Variants in KIRREL3 observed in about 807,000 individuals in gnomAD.
KIRREL3 encodes kin of IRRE-like protein 3.
KIRREL3 carries 36 observed loss-of-function variants against 89.7 expected under a neutral mutation model. The observed-to-expected ratio is 0.40, with a 90% CI of 0.31 to 0.53. KIRREL3 has a LOEUF of 0.53. Among genes scored for constraint, KIRREL3 ranks in the 20% least tolerant of loss-of-function variants. The pLI, the probability that KIRREL3 is intolerant of heterozygous loss-of-function variation, is 0.49. For missense variants in KIRREL3, 864 were observed against 1,056.6 expected, an observed-to-expected ratio of 0.82 and a Z score of 2.53; for synonymous variants, 445 against 441.4, an observed-to-expected ratio of 1.01 and a Z score of -0.10.
chr11:126,910,402 G>A (rs1946770066), intron 1 of KIRREL3, among the ~76,000 whole-genome samples: 1 of 152,172 alleles, frequency 6.6e-6, no homozygotes, highest in Admixed American at 6.5e-5. Context: ...AGATCTTGAA[G>A]CTTCTGATTA....
In KIRREL3 at chr11:126,424,351, G is replaced by A. The variant is rs747285529; in HGVS notation, c.*229C>T. On this transcript the variant is annotated 3_prime_UTR_variant, in exon 17 of 17. Transcript: ENST00000525144. ...TCCAGCACTAAGCACAGCGCACTCAGCCGCAGCCTCTGTCTGTCTCCCCAC... is the reference window on the plus strand; with the variant it reads ...TCCAGCACTAAGCACAGCGCACTCAACCGCAGCCTCTGTCTGTCTCCCCAC... The A allele has an allele frequency of 1.8e-6, 1 of 562,252 alleles. No homozygotes were observed. The highest frequency in any genetic ancestry group is 3.2e-6 in the Non-Finnish European group (1 of 312,978). 34.8% of individuals were successfully genotyped at this position (562,252 alleles called of 1,614,324 possible).
At chr11:126,714,689 C>G (rs762748869) in intron 1 of KIRREL3, among the ~76,000 whole-genome samples, 2 of 152,164 alleles carry the variant, frequency 1.3e-5, no homozygotes, top group Non-Finnish European at 2.9e-5. Context: ...ACAGTGGTAT[C>G]TACATGATGA....
At chr11:126,646,153 C>T (rs372446097) in intron 1 of KIRREL3, among the ~76,000 whole-genome samples, 1 of 152,108 alleles carries the variant, frequency 6.6e-6, no homozygotes, top group Non-Finnish European at 1.5e-5. Context: ...TCTGCAGGTT[C>T]GCGATATGAT....
intron 1 of KIRREL3, among the ~76,000 whole-genome samples, chr11:126,775,136 T>C (rs1260037329): frequency 1.1e-4 from 17 of 152,188 alleles, no homozygotes; most frequent in Non-Finnish European, 4.4e-5. Context: ...CAGAACAGTT[T>C]CCCCTTCTTA....
intron 11 of KIRREL3, among the ~76,000 whole-genome samples, chr11:126,437,595 T>G (rs1352960446): frequency 6.6e-6 from 1 of 151,940 alleles, no homozygotes; most frequent in Non-Finnish European, 1.5e-5. Flanking sequence ...TGTCACAACA[T>G]GCATACACAC....
chr11:126,473,304 C>G lies in KIRREL3; in HGVS notation c.591+5G>C. On this transcript the variant is annotated splice_donor_5th_base_variant and intron_variant, in intron 5 of 16. Transcript: ENST00000525144. Reference sequence around the variant, plus strand: ...CACACCCACCCCCTCCCCTCCAGGCCTCACCTTGGAGTAGGTGGCCCCATT... The same window carrying G: ...CACACCCACCCCCTCCCCTCCAGGCGTCACCTTGGAGTAGGTGGCCCCATT... 1 of 1,447,502 alleles carries G rather than the reference C, an allele frequency of 6.9e-7. No individual in the cohort carries two copies. The highest frequency in any genetic ancestry group is 9.2e-7 in the Non-Finnish European group (1 of 1,087,508). 89.7% of individuals were successfully genotyped at this position (1,447,502 alleles called of 1,614,324 possible). A position where few individuals can be genotyped will look rare whatever the true frequency, so the allele number is the denominator to read the frequency against.
rs189440767 is a variant in KIRREL3, at chr11:126,734,568, C to G, written c.56-171656G>C. Among the ~76,000 whole-genome samples, 1 of 151,516 alleles carries G rather than the reference C, an allele frequency of 6.6e-6. No homozygotes were observed. ...ATCCCAGCTACTTGGGAGGCTGAGACAAGAGAATCACTTGAACCTGGGAAG... is the reference window on the plus strand; with the variant it reads ...ATCCCAGCTACTTGGGAGGCTGAGAGAAGAGAATCACTTGAACCTGGGAAG... On this transcript the variant is annotated intron_variant, in intron 1 of 16. Coordinates refer to ENST00000525144, the MANE Select transcript of KIRREL3 (RefSeq NM_032531.4). The surrounding 1 kb of genome is among the most constrained non-coding windows in gnomAD (Gnocchi z 5.9).
intron 1 of KIRREL3, among the ~76,000 whole-genome samples, chr11:126,728,665 G>A (rs1948490046): frequency 2.0e-5 from 3 of 152,212 alleles, no homozygotes; most frequent in Admixed American, 2.0e-4. Flanking sequence ...TTTGTATAGG[G>A]AGGGGAAAGG....
intron 2 of KIRREL3, among the ~76,000 whole-genome samples, chr11:126,559,365 T>C (rs1939940644): frequency 6.6e-6 from 1 of 152,210 alleles, no homozygotes; most frequent in Non-Finnish European, 1.5e-5. Context: ...GAGCGACTAC[T>C]CCCTATGTGC....
intron 1 of KIRREL3, among the ~76,000 whole-genome samples, chr11:126,762,188 T>C (rs554516130): frequency 6.6e-6 from 1 of 151,738 alleles, no homozygotes; most frequent in Admixed American, 6.6e-5. Context: ...AATAAATAAA[T>C]AAATAAACAA....
In KIRREL3 at chr11:126,684,574, C is replaced by T. The variant is rs1565648265; in HGVS notation, c.56-121662G>A. On this transcript the variant is annotated intron_variant, in intron 1 of 16. Coordinates refer to ENST00000525144, the MANE Select transcript of KIRREL3 (RefSeq NM_032531.4). This position sits in a 1 kb window ranked among gnomAD's most constrained non-coding sequence, Gnocchi z 4.2. ...CAGTATTCTGATGAATTTACCCTAC[C>T]AGGCCAGTCAGAATCGACTCACTGA... is the stretch of plus-strand genomic sequence containing the variant. Among the ~76,000 whole-genome samples, 1 of 152,162 alleles carries T rather than the reference C, an allele frequency of 6.6e-6. No individual in the cohort carries two copies. The highest frequency in any genetic ancestry group is 1.5e-5 in the Non-Finnish European group (1 of 68,028).
At position 126,613,893 on chromosome 11, in the gene KIRREL3, T is replaced by TTTTTTTTTTTG. The variant is rs371748740; in HGVS notation, c.56-50982_56-50981insCAAAAAAAAAA. On this transcript the variant is annotated intron_variant, in intron 1 of 16. Transcript: ENST00000525144. ...TTGCTTTTTTTTTTTTTTTTTTTTTTATTTTTTTCCCCATAGCCTTTATCT... is the reference window on the plus strand; with the variant it reads ...TTGCTTTTTTTTTTTTTTTTTTTTTTTTTTTTTTTTGATTTTTTTCCCCATAGCCTTTATCT... 1.7e-4 allele frequency among the ~76,000 whole-genome samples: 20 copies of TTTTTTTTTTTG among 118,638 alleles called. 1 individual carries two copies. Among genetic ancestry groups the TTTTTTTTTTTG allele is most frequent in the East Asian group, 2.6e-4 (1 of 3,848 alleles). The allele number at this position is 118,638 out of a possible 152,430, so 77.8% of individuals were successfully genotyped here. A position where few individuals can be genotyped will look rare whatever the true frequency, so the allele number is the denominator to read the frequency against.
rs1032541250 is a variant in KIRREL3, at chr11:126,558,482, G to A, written c.133+4353C>T. 1.4e-5 allele frequency among the ~76,000 whole-genome samples: 2 copies of A among 144,612 alleles called. No homozygotes were observed. The highest frequency in any genetic ancestry group is 5.8e-5 in the African/African-American group (2 of 34,704). 94.9% of individuals were successfully genotyped at this position (144,612 alleles called of 152,430 possible). ...TCAGCCTCCTCTTCCAGAAGTCTAAGAGCCCTGGGTGTCTGGAGCCCTGGG... is the reference window on the plus strand; with the variant it reads ...TCAGCCTCCTCTTCCAGAAGTCTAAAAGCCCTGGGTGTCTGGAGCCCTGGG... On this transcript the variant is annotated intron_variant, in intron 2 of 16. Coordinates refer to ENST00000525144, the MANE Select transcript of KIRREL3 (RefSeq NM_032531.4). This position sits in a 1 kb window ranked among gnomAD's most constrained non-coding sequence, Gnocchi z 4.0.
In KIRREL3 at chr11:126,948,190, C is replaced by A. The variant is rs1030814018; in HGVS notation, c.55+52265G>T. ...AATCAACTTAAAGTATAATACCTAC[C>A]ACGCTTGATGTCTTTCTCCTTTGAT... is the stretch of plus-strand genomic sequence containing the variant. On this transcript the variant is annotated intron_variant, in intron 1 of 16. Coordinates refer to ENST00000525144, the MANE Select transcript of KIRREL3 (RefSeq NM_032531.4). This position sits in a 1 kb window ranked among gnomAD's most constrained non-coding sequence, Gnocchi z 4.5. 2.6e-5 allele frequency among the ~76,000 whole-genome samples: 4 copies of A among 152,030 alleles called. No individual in the cohort carries two copies. The highest frequency in any genetic ancestry group is 1.3e-4 in the Admixed American group (2 of 15,256).
chr11:126,929,418 C>A (rs1947847549), intron 1 of KIRREL3, among the ~76,000 whole-genome samples: 1 of 152,086 alleles, frequency 6.6e-6, no homozygotes, highest in East Asian at 1.9e-4. Flanking sequence ...GGGGAGAGGC[C>A]TTTTGTGTAC....
In KIRREL3 at chr11:126,729,105, C is replaced by T. The variant is rs923808814; in HGVS notation, c.56-166193G>A. Among the ~76,000 whole-genome samples the T allele has an allele frequency of 6.6e-6, 1 of 152,204 alleles. No homozygotes were observed. Among genetic ancestry groups the T allele is most frequent in the Non-Finnish European group, 1.5e-5 (1 of 68,048 alleles). On this transcript the variant is annotated intron_variant, in intron 1 of 16. Transcript: ENST00000525144. The surrounding 1 kb of genome is among the most constrained non-coding windows in gnomAD (Gnocchi z 4.5). ...AGAAAACACAACTGGGCCATCTTCC[C>T]TCATCTCTAGCAGAATGGCTGCCTC...
rs1944435219 is a variant in KIRREL3, at chr11:126,640,692, G to A, written c.56-77780C>T. ...TTTCACATGGGTTCTTTCTGAATCT[G>A]GAATGAACCATGGGACCCTTGGGTT... On this transcript the variant is annotated intron_variant, in intron 1 of 16. Coordinates refer to ENST00000525144, the MANE Select transcript of KIRREL3 (RefSeq NM_032531.4). This position sits in a 1 kb window ranked among gnomAD's most constrained non-coding sequence, Gnocchi z 4.9. 6.6e-6 allele frequency among the ~76,000 whole-genome samples: 1 copy of A among 152,080 alleles called. No homozygotes were observed. The highest frequency in any genetic ancestry group is 1.5e-5 in the Non-Finnish European group (1 of 68,028).
Position 126,521,676 on chromosome 11 carries a change from A to G in KIRREL3, c.284-212T>C, listed in dbSNP as rs1784233. On this transcript the variant is annotated intron_variant, in intron 3 of 16. Transcript: ENST00000525144. This position sits in a 1 kb window ranked among gnomAD's most constrained non-coding sequence, Gnocchi z 4.1. The stretch of plus-strand genomic sequence containing the variant: ...GTTGGTTCTCTCTCTCTCTCTCTGT[A>G]TGTGTGTGTGTGTGTGTGTGTGTGT... Among the ~76,000 whole-genome samples the G allele has an allele frequency of 7.0e-6, 1 of 143,510 alleles. No individual in the cohort carries two copies. Among genetic ancestry groups the G allele is most frequent in the Non-Finnish European group, 1.5e-5 (1 of 65,922 alleles). The allele number at this position is 143,510 out of a possible 152,430, so 94.1% of individuals were successfully genotyped here.
chr11:126,446,107 C>T (rs551563806), intron 9 of KIRREL3, among the ~76,000 whole-genome samples: 33 of 144,366 alleles, frequency 2.3e-4, no homozygotes, highest in Admixed American at 6.7e-4. Flanking sequence ...AAGATCACGC[C>T]GCTGCACTCC....
Sources: gnomAD v4.1 joint callset for allele counts (sites outside exome capture counted in the v4.1 genomes callset) on GRCh38, gnomAD v4.1.1 for gene constraint, Gnocchi (gnomAD v3.1) non-coding constraint, MANE v1.5 for transcripts, NCBI Gene and HGNC (gene_info 2026-07-23, HGNC 2026-07-21) for gene names.